Variants in CSMD2 observed in about 807,000 individuals in gnomAD.
CSMD2 encodes CUB and Sushi multiple domains 2.
In CSMD2, 130 loss-of-function variants were observed where a neutral mutation model predicts 398.5. The ratio of observed to expected loss-of-function variants is 0.33; its 90% CI spans 0.28 to 0.38. The LOEUF is 0.38. Ranked by LOEUF, CSMD2 falls within the 10% of genes least tolerant of loss-of-function variation. The pLI is 1.00. For missense variants in CSMD2, 3,829 were observed against 4,764.9 expected, an observed-to-expected ratio of 0.80 and a Z score of 5.78; for synonymous variants, 1,828 against 1,908.5, an observed-to-expected ratio of 0.96 and a Z score of 1.10.
rs1225153368 is a variant in CSMD2, at chr1:33,679,018, T to C, written c.4052+13912A>G. ...GTGACCTCCGGCCAGCTGCCCTCTC[T>C]TCCTCATCACCCTGTCACTGGAGGC... On this transcript the variant is annotated intron_variant, in intron 25 of 70. Coordinates refer to ENST00000373381, the MANE Select transcript of CSMD2 (RefSeq NM_001281956.2). Among the ~76,000 whole-genome samples the C allele has an allele frequency of 2.0e-5, 3 of 152,134 alleles. No homozygotes were observed. In the East Asian group the frequency reaches 5.8e-4, roughly 29 times the overall value.
chr1:33,776,302 A>C lies in CSMD2; in HGVS notation c.1664-3551T>G, dbSNP rs537066150. Among the ~76,000 whole-genome samples, 56 of 152,330 alleles carry C rather than the reference A, an allele frequency of 3.7e-4. 1 individual carries two copies. The highest frequency in any genetic ancestry group is 2.4e-4 in the Non-Finnish European group (16 of 68,034). On this transcript the variant is annotated intron_variant, in intron 12 of 70. Coordinates refer to ENST00000373381, the MANE Select transcript of CSMD2 (RefSeq NM_001281956.2). ...GAGCACACTAGAGGCCCAGCCTTAG[A>C]GACCGTGAGGGATGTCCTTCCCTCA...
At position 34,164,122 on chromosome 1, in the gene CSMD2, G is replaced by A. The variant is rs1409341186; in HGVS notation, c.187+789C>T. Among the ~76,000 whole-genome samples, 1 of 152,138 alleles carries A rather than the reference G, an allele frequency of 6.6e-6. No homozygotes were observed. Among genetic ancestry groups the A allele is most frequent in the Non-Finnish European group, 1.5e-5 (1 of 68,014 alleles). ...CGGCTGCAGCAGGGCGCGGGAAAGG[G>A]CACTTTGGCGCGGAGTGAGCACCGA... On this transcript the variant is annotated intron_variant, in intron 1 of 70. Transcript: ENST00000373381. This position sits in a 1 kb window ranked among gnomAD's most constrained non-coding sequence, Gnocchi z 6.2.
In CSMD2 at chr1:33,908,085, CAAAAAAAAAAA is replaced by C. The variant is rs35932181; in HGVS notation, c.920+9998_920+10008del. ...TGGCTGACAGAGCAAGACTCCATCT[CAAAAAAAAAAA>C]AAAAAAAAAAAGAAAAGTAAAAAAG... On this transcript the variant is annotated intron_variant, in intron 5 of 70. Coordinates refer to ENST00000373381, the MANE Select transcript of CSMD2 (RefSeq NM_001281956.2). 9.5e-3 allele frequency among the ~76,000 whole-genome samples: 731 copies of C among 77,150 alleles called. 12 individuals carry two copies. Among genetic ancestry groups the C allele is most frequent in the African/African-American group, 0.042 (692 of 16,452 alleles). The allele number at this position is 77,150 out of a possible 152,430, so 50.6% of individuals were successfully genotyped here. A position where few individuals can be genotyped will look rare whatever the true frequency, so the allele number is the denominator to read the frequency against.
At chr1:33,521,338 C>A in intron 68 of CSMD2, 125 bp downstream of exon 68, 1 of 698,802 alleles carries the variant, frequency 1.4e-6, no homozygotes, top group East Asian at 2.6e-5. Context: ...TCCCTGATCC[C>A]AAAGAGGCCA....
intron 2 of CSMD2, among the ~76,000 whole-genome samples, chr1:34,049,533 C>T (rs1652937198): frequency 6.6e-6 from 1 of 152,092 alleles, no homozygotes; most frequent in South Asian, 2.1e-4. Context: ...CCCCCCAACC[C>T]CAGATGCCAT....
At chr1:34,154,254 C>T (rs1010363675) in intron 1 of CSMD2, among the ~76,000 whole-genome samples, 5 of 152,088 alleles carry the variant, frequency 3.3e-5, no homozygotes, top group African/African-American at 1.2e-4. Context: ...CTCATGAGGA[C>T]GTGGGAAGAC....
At chr1:33,663,219 G>T in intron 25 of CSMD2, 127 bp from the exon 26 acceptor site, 2 of 729,290 alleles carry the variant, frequency 2.7e-6, no homozygotes, top group Non-Finnish European at 4.5e-6. Context: ...CCGAAGCCCA[G>T]CAGGAGGGGA....
chr1:34,106,331 T>C lies in CSMD2; in HGVS notation c.188-17138A>G, dbSNP rs149336263. ...TGAGAAGGGGCCAACATTTCTGTGG[T>C]TCACTAACATTATCTCTCTAACATT... is the stretch of plus-strand genomic sequence containing the variant. On this transcript the variant is annotated intron_variant, in intron 1 of 70. Transcript: ENST00000373381. 7.0e-4 allele frequency among the ~76,000 whole-genome samples: 106 copies of C among 152,272 alleles called. 2 individuals are homozygous for C. Among genetic ancestry groups the C allele is most frequent in the African/African-American group, 2.5e-3 (104 of 41,552 alleles).
Position 33,519,414 on chromosome 1 carries a change from G to C in CSMD2, c.*53+51C>G. 8.4e-7 allele frequency: 1 copy of C among 1,187,090 alleles called. No homozygotes were observed. Among genetic ancestry groups the C allele is most frequent in the Admixed American group, 1.9e-5 (1 of 53,716 alleles). 73.5% of individuals were successfully genotyped at this position (1,187,090 alleles called of 1,614,324 possible). A position where few individuals can be genotyped will look rare whatever the true frequency, so the allele number is the denominator to read the frequency against. On this transcript the variant is annotated intron_variant, in intron 70 of 70. Coordinates refer to ENST00000373381, the MANE Select transcript of CSMD2 (RefSeq NM_001281956.2). This position sits in a 1 kb window ranked among gnomAD's most constrained non-coding sequence, Gnocchi z 5.6. ...TGGGTGGAGCCCCTGGCACGCATAG[G>C]TCCCTGTCTGTGCTTGTCATGGCCT... is the stretch of plus-strand genomic sequence containing the variant.
chr1:33,939,500 C>A (rs573544210), intron 3 of CSMD2, among the ~76,000 whole-genome samples: 1 of 152,040 alleles, frequency 6.6e-6, no homozygotes, highest in South Asian at 2.1e-4. Context: ...GTAGAACTAA[C>A]GTGTCATTTT....
chr1:33,585,903 G>A (rs966835568), intron 46 of CSMD2, among the ~76,000 whole-genome samples: 12 of 152,128 alleles, frequency 7.9e-5, no homozygotes, highest in East Asian at 1.9e-4. Context: ...ATTTAATACC[G>A]CCATGGCATA....
At chr1:34,052,241 C>G (rs957826032) in intron 2 of CSMD2, among the ~76,000 whole-genome samples, 1 of 150,970 alleles carries the variant, frequency 6.6e-6, no homozygotes, top group African/African-American at 2.4e-5. Context: ...AGTCAACCAA[C>G]CATGCATTGA....
At chr1:34,091,560 C>T (rs964376208) in intron 1 of CSMD2, among the ~76,000 whole-genome samples, 1 of 151,904 alleles carries the variant, frequency 6.6e-6, no homozygotes, top group Non-Finnish European at 1.5e-5. Flanking sequence ...TTTTAAAGCC[C>T]ATTTTAGGGA....
chr1:33,798,685 T>C (rs1655241559), intron 10 of CSMD2, among the ~76,000 whole-genome samples: 1 of 152,052 alleles, frequency 6.6e-6, no homozygotes, highest in Non-Finnish European at 1.5e-5. Flanking sequence ...AAGGGAGGAT[T>C]GGAGGCAGAG....
intron 3 of CSMD2, among the ~76,000 whole-genome samples, chr1:33,959,328 A>G (rs1259739259): frequency 3.3e-5 from 5 of 152,202 alleles, no homozygotes; most frequent in African/African-American, 1.2e-4. Context: ...ATCCTTATCA[A>G]CTGCCCAGCA....
chr1:33,967,257 C>G (rs1274278931), intron 3 of CSMD2, among the ~76,000 whole-genome samples: 4 of 135,124 alleles, frequency 3.0e-5, no homozygotes, highest in Admixed American at 2.3e-4. Context: ...ACTTCACAGA[C>G]TTTTTTTTTT....
intron 5 of CSMD2, among the ~76,000 whole-genome samples, chr1:33,883,843 G>A (rs764637344): frequency 5.9e-5 from 9 of 152,204 alleles, no homozygotes; most frequent in Non-Finnish European, 1.3e-4. Context: ...GGAAGAGATT[G>A]GCAATGGCCA....
At chr1:33,959,014 T>A (rs1336481382) in intron 3 of CSMD2, among the ~76,000 whole-genome samples, 1 of 152,216 alleles carries the variant, frequency 6.6e-6, no homozygotes, top group African/African-American at 2.4e-5. Context: ...TGCTGACCTG[T>A]GACCTTCCCA....
At chr1:34,054,697 G>A (rs1162470059) in intron 2 of CSMD2, among the ~76,000 whole-genome samples, 9 of 152,116 alleles carry the variant, frequency 5.9e-5, no homozygotes, top group Non-Finnish European at 1.2e-4. Context: ...CCGAGATCGC[G>A]CCACTGCACT....
Sources: gnomAD v4.1 joint callset for allele counts (sites outside exome capture counted in the v4.1 genomes callset) on GRCh38, gnomAD v4.1.1 for gene constraint, Gnocchi (gnomAD v3.1) non-coding constraint, MANE v1.5 for transcripts, NCBI Gene and HGNC (gene_info 2026-07-23, HGNC 2026-07-21) for gene names.